TMEM150B: variants seen among roughly 807,000 people sequenced by gnomAD.
TMEM150B encodes transmembrane protein 150B, also known as modulator of macroautophagy TMEM150B.
TMEM150B carries 33 observed loss-of-function variants against 25.2 expected under a neutral mutation model. The ratio of observed to expected loss-of-function variants is 1.31; its 90% CI spans 0.99 to 1.75. The LOEUF is 1.75. Among genes scored for constraint, TMEM150B ranks in the 40% most tolerant of loss-of-function variants. TMEM150B has a pLI of 0.00. For synonymous variants in TMEM150B, 133 were observed against 134.8 expected (o/e 0.99, Z 0.09); for missense variants, 322 against 306.1 (o/e 1.05, Z -0.39).
At chr19:55,321,189 G>C in intron 2 of TMEM150B, 96 bp from the exon 3 acceptor site, 2 of 1,422,936 alleles carry the variant, frequency 1.4e-6, no homozygotes, top group South Asian at 3.0e-5. Flanking sequence ...CACCTGTAGG[G>C]GTCTGATCTG....
intron 6 of TMEM150B, among the ~76,000 whole-genome samples, chr19:55,319,100 A>G (rs1430315280): frequency 1.3e-5 from 2 of 150,204 alleles, no homozygotes; most frequent in East Asian, 4.0e-4. Flanking sequence ...CAGCCTCACT[A>G]ATTTCTTTTT....
At chr19:55,316,600 A>T (rs1172662763) in intron 7 of TMEM150B, among the ~76,000 whole-genome samples, 186 bp downstream of exon 7, 1 of 151,708 alleles carries the variant, frequency 6.6e-6, no homozygotes, top group Non-Finnish European at 1.5e-5. Context: ...TGTGTGGAGG[A>T]CAGGGGCTTC....
At chr19:55,317,028 G>A in intron 6 of TMEM150B, 62 bp from the exon 7 acceptor site, 2 of 1,506,308 alleles carry the variant, frequency 1.3e-6, no homozygotes, top group South Asian at 1.3e-5. Flanking sequence ...GGGCACCAGA[G>A]GGGCCAGGGC....
chr19:55,315,980 T>C (rs1393058750), intron 7 of TMEM150B, among the ~76,000 whole-genome samples: 1 of 148,150 alleles, frequency 6.7e-6, no homozygotes, highest in Non-Finnish European at 1.5e-5. Flanking sequence ...ATCCATTTTA[T>C]GGATATGGAA....
At chr19:55,312,716 T>G, downstream of TMEM150B, 1 of 797,764 alleles carries the variant, frequency 1.3e-6, no homozygotes, top group Non-Finnish European at 1.8e-6. Context: ...GGCACACAGG[T>G]CCTCCGGCTC....
intron 1 of TMEM150B, among the ~76,000 whole-genome samples, chr19:55,323,330 G>A (rs2089253648): frequency 6.6e-6 from 1 of 151,844 alleles, no homozygotes; most frequent in Admixed American, 6.6e-5. Flanking sequence ...TACTCCGGAG[G>A]CTGAGGCAGG....
downstream of TMEM150B, among the ~76,000 whole-genome samples, chr19:55,309,844 G>A (rs563386966): frequency 3.3e-5 from 5 of 152,310 alleles, no homozygotes; most frequent in East Asian, 1.9e-4. Context: ...CCTGAGACAC[G>A]GGGTCACAGG....
intron 2 of TMEM150B, among the ~76,000 whole-genome samples, chr19:55,322,012 T>C (rs764344561): frequency 2.0e-5 from 3 of 152,088 alleles, no homozygotes; most frequent in Non-Finnish European, 4.4e-5. Context: ...CATCCGAAAA[T>C]TCCCCCAGCC....
chr19:55,319,860 A>C (rs958981635), intron 6 of TMEM150B, 179 bp downstream of exon 6: 4 of 1,432,074 alleles, frequency 2.8e-6, no homozygotes, highest in South Asian at 1.5e-5. Context: ...GTAGTGCCCC[A>C]CTCAGAGAGC....
At chr19:55,309,775 C>G (rs992693257), downstream of TMEM150B, among the ~76,000 whole-genome samples, 7 of 152,210 alleles carry the variant, frequency 4.6e-5, no homozygotes, top group Non-Finnish European at 5.9e-5. Context: ...CCCAAGCAAC[C>G]AGAGGTAGCC....
rs373785767 is a variant in TMEM150B at position 55,320,160 on chromosome 19, C to T, written c.203G>A (p.Trp68Ter). The change falls in exon 6 of 8, where the codon TGG (tryptophan) becomes TAG (stop). Residue 68 changes from tryptophan to a stop codon, truncating the protein, a stop_gained. Coordinates refer to ENST00000326652, the MANE Select transcript of TMEM150B (RefSeq NM_001282011.2). LOFTEE classifies it high-confidence loss of function. ...CTGGTGGTAACGGACAATGCAGATC[C>T]ACGCGGCTGGGAGTAGAGGGGAGAA... Reference protein sequence around the residue: ...VLNMGAALAAWICIVRYHQLR... With the variant: ...VLNMGAALAA 11 of 1,613,894 alleles carry T rather than the reference C, an allele frequency of 6.8e-6. No homozygotes were observed. The African/African-American group carries it at 1.5e-4, about 22-fold the overall frequency.
In TMEM150B at chr19:55,320,085, G is replaced by T. The variant is rs370333754; in HGVS notation, c.278C>A (p.Thr93Lys). Reference protein sequence around the residue: ...RRWPNQLILWTGLLCALGTSV... With the variant: ...RRWPNQLILWKGLLCALGTSV... Reference sequence around the variant, plus strand: ...GGTGCCCAGGGCACACAGAAGACCCGTCCATAGGATCAGCTGGTTAGGCCA... The same window carrying T: ...GGTGCCCAGGGCACACAGAAGACCCTTCCATAGGATCAGCTGGTTAGGCCA... The change falls in exon 6 of 8, where the codon ACG becomes AAG. Residue 93 changes from threonine to lysine, a missense_variant. Coordinates refer to ENST00000326652, the MANE Select transcript of TMEM150B (RefSeq NM_001282011.2). 32 of 1,614,160 alleles carry T rather than the reference G, an allele frequency of 2.0e-5. No individual in the cohort carries two copies. Among genetic ancestry groups the T allele is most frequent in the Non-Finnish European group, 2.6e-5 (31 of 1,180,028 alleles).
chr19:55,312,533 C>CAAAAAAAAAA (rs372052269), downstream of TMEM150B: 20 of 25,712 alleles, frequency 7.8e-4, no homozygotes, highest in Non-Finnish European at 9.4e-4. Context: ...CCGCCGGCGG[C>CAAAAAAAAAA]AAAAAAAAAA....
chr19:55,311,573 A>G (rs1159472966), downstream of TMEM150B, among the ~76,000 whole-genome samples: 1 of 152,188 alleles, frequency 6.6e-6, no homozygotes, highest in African/African-American at 2.4e-5. Flanking sequence ...CCGTCCTGGC[A>G]GGCTGTTTCC....
chr19:55,320,261 G>A, intron 5 of TMEM150B, 95 bp from the exon 6 acceptor site: 1 of 1,527,620 alleles, frequency 6.5e-7, no homozygotes, highest in South Asian at 1.3e-5. Flanking sequence ...GAGGGAGAAA[G>A]TGGCAAACTC....
In TMEM150B at chr19:55,312,843, C is replaced by G. The variant is rs763210363; in HGVS notation, c.*16G>C. 3.8e-6 allele frequency: 6 copies of G among 1,565,866 alleles called. No homozygotes were observed. The highest frequency in any genetic ancestry group is 5.2e-6 in the Non-Finnish European group (6 of 1,156,838). On this transcript the variant is annotated 3_prime_UTR_variant, in exon 8 of 8. Coordinates refer to ENST00000326652, the MANE Select transcript of TMEM150B (RefSeq NM_001282011.2). ...CTGCTTCACTGGTGAGGGCAAGGCC[C>G]GGGTCAGGGTGCCTGCTACAGCTGG...
chr19:55,315,084 G>A (rs1158806924), intron 7 of TMEM150B, among the ~76,000 whole-genome samples: 22 of 151,330 alleles, frequency 1.5e-4, no homozygotes, highest in Non-Finnish European at 2.8e-4. Flanking sequence ...GGGAGGCCGA[G>A]GCGGGCAGAT....
intron 6 of TMEM150B, 69 bp downstream of exon 6, chr19:55,319,970 C>A: frequency 3.7e-6 from 6 of 1,608,020 alleles, no homozygotes; most frequent in Non-Finnish European, 4.2e-6. Flanking sequence ...CCTATGGCCA[C>A]GGGGCATGCT....
intron 1 of TMEM150B, 42 bp downstream of exon 1, chr19:55,325,230 C>T: frequency 2.0e-6 from 2 of 976,834 alleles, no homozygotes; most frequent in Non-Finnish European, 2.4e-6. Context: ...AGGGCTCCAG[C>T]CTGCCGAGCT....
Sources: allele counts gnomAD v4.1 joint callset (sites outside exome capture counted in the v4.1 genomes callset), GRCh38; gene constraint gnomAD v4.1.1; transcripts MANE v1.5; gene names NCBI Gene and HGNC (gene_info 2026-07-23, HGNC 2026-07-21).